TSPAN14: variants seen among roughly 807,000 people sequenced by gnomAD.
The protein encoded by TSPAN14 is tetraspanin-14.
TSPAN14 carries 16 observed loss-of-function variants against 36.6 expected under a neutral mutation model. The ratio of observed to expected loss-of-function variants is 0.44; its 90% CI spans 0.30 to 0.66. The LOEUF is 0.66. Ranked by LOEUF, TSPAN14 falls within the 30% of genes least tolerant of loss-of-function variation. TSPAN14 has a pLI of 0.12. For missense variants in TSPAN14, 231 were observed against 355.1 expected, an observed-to-expected ratio of 0.65 and a Z score of 2.81; for synonymous variants, 139 against 143.8, an observed-to-expected ratio of 0.97 and a Z score of 0.24.
At chr10:80,506,298 C>T (rs531218583) in intron 3 of TSPAN14, among the ~76,000 whole-genome samples, 15 of 152,166 alleles carry the variant, frequency 9.9e-5, no homozygotes, top group Non-Finnish European at 1.8e-4. Context: ...GATGCTTAGT[C>T]ACAATGTTCT....
At chr10:80,458,766 G>A (rs75907892) in intron 1 of TSPAN14, among the ~76,000 whole-genome samples, 3,452 of 152,184 alleles carry the variant, frequency 0.023, 51 homozygotes, top group Middle Eastern at 0.041. Context: ...CCTTAATTGC[G>A]TATGCTTTTG....
At chr10:80,502,201 T>C (rs1471629019) in intron 2 of TSPAN14, among the ~76,000 whole-genome samples, 1 of 152,134 alleles carries the variant, frequency 6.6e-6, no homozygotes, top group Non-Finnish European at 1.5e-5. Context: ...AACAAGAATG[T>C]CAGGGTGGCC....
chr10:80,497,029 C>G (rs568068086), intron 2 of TSPAN14, among the ~76,000 whole-genome samples: 5 of 152,216 alleles, frequency 3.3e-5, no homozygotes, highest in Admixed American at 6.5e-5. Flanking sequence ...AGTTTTTCTA[C>G]TAAGTATTCT....
chr10:80,516,055 G>C, intron 7 of TSPAN14, 149 bp from the exon 8 acceptor site: 2 of 1,176,052 alleles, frequency 1.7e-6, no homozygotes, highest in Non-Finnish European at 2.4e-6. Flanking sequence ...AGGAGCTGAC[G>C]AGCATCTCCT....
At chr10:80,517,191 G>A (rs868349798) in intron 8 of TSPAN14, among the ~76,000 whole-genome samples, 4 of 152,166 alleles carry the variant, frequency 2.6e-5, no homozygotes, top group Admixed American at 6.5e-5. Flanking sequence ...ACCCACACAT[G>A]CCTTCCTCCT....
At chr10:80,516,245 C>T in exon 8 of TSPAN14, 1 of 1,614,260 alleles carries the variant, frequency 6.2e-7, no homozygotes, top group Non-Finnish European at 8.5e-7. Flanking sequence ...CGAAAGGCTG[C>T]ATCCAGGCGC....
Position 80,489,342 on chromosome 10 carries a change from C to T in TSPAN14, c.81+28C>T, listed in dbSNP as rs772558142. ...AAGTGGATGAGAGCTGCCACATTCC[C>T]TTGTTTAGTCCTTCATTCAGTAAAT... On this transcript the variant is annotated intron_variant, in intron 2 of 8. Transcript: ENST00000429989. 5.8e-6 allele frequency: 8 copies of T among 1,387,362 alleles called. No individual in the cohort carries two copies. The Admixed American group carries it at 5.9e-5, about 10-fold the overall frequency. 85.9% of individuals were successfully genotyped at this position (1,387,362 alleles called of 1,614,324 possible).
chr10:80,472,898 C>CA (rs1321334047), intron 1 of TSPAN14, among the ~76,000 whole-genome samples: 1 of 152,216 alleles, frequency 6.6e-6, no homozygotes, highest in African/African-American at 2.4e-5. Context: ...CCAAGTCTAT[C>CA]ACAGTTCTGT....
At chr10:80,458,459 G>A (rs1845829101) in intron 1 of TSPAN14, among the ~76,000 whole-genome samples, 1 of 152,158 alleles carries the variant, frequency 6.6e-6, no homozygotes, top group South Asian at 2.1e-4. Flanking sequence ...TGTTGGAGGT[G>A]GTGAGGCCTC....
intron 1 of TSPAN14, among the ~76,000 whole-genome samples, chr10:80,455,131 G>T (rs1409772132): frequency 2.0e-5 from 3 of 152,202 alleles, no homozygotes; most frequent in Admixed American, 2.0e-4. Flanking sequence ...CCCAGGGGTG[G>T]GGTGCGGGTG....
At chr10:80,521,441 G>A (rs1256460500) in exon 9 of TSPAN14, 1 of 153,136 alleles carries the variant, frequency 6.5e-6, no homozygotes, top group African/African-American at 2.4e-5. Flanking sequence ...GGCCTTTCCA[G>A]CTCTAGGGTC....
At chr10:80,510,304 G>A (rs1719982903) in intron 5 of TSPAN14, among the ~76,000 whole-genome samples, 1 of 152,168 alleles carries the variant, frequency 6.6e-6, no homozygotes, top group African/African-American at 2.4e-5. Flanking sequence ...ACCAAAACTT[G>A]TTCACCTTTA....
chr10:80,504,132 G>C (rs955106891), intron 2 of TSPAN14, among the ~76,000 whole-genome samples: 3 of 152,170 alleles, frequency 2.0e-5, no homozygotes, highest in African/African-American at 7.2e-5. Flanking sequence ...GCATAGATGC[G>C]CCCCCTGCTC....
At position 80,504,830 on chromosome 10, in the gene TSPAN14, C is replaced by G. The variant is rs768863717; in HGVS notation, c.132+52C>G. 3.8e-6 allele frequency: 6 copies of G among 1,593,724 alleles called. No individual in the cohort carries two copies. In the African/African-American group the frequency reaches 8.1e-5, roughly 21 times the overall value. On this transcript the variant is annotated intron_variant, in intron 3 of 8. Coordinates refer to ENST00000429989, the Ensembl canonical transcript of TSPAN14. ...AGCTTCAGGCAGCCAAAACCAGATT[C>G]GTTGGACTTCATTTTCCCTCCTCCA... is the stretch of plus-strand genomic sequence containing the variant.
intron 1 of TSPAN14, among the ~76,000 whole-genome samples, chr10:80,475,392 C>G (rs528701352): frequency 1.3e-3 from 198 of 152,206 alleles, no homozygotes; most frequent in Non-Finnish European, 2.1e-3. Flanking sequence ...ATAGTGAAAC[C>G]CTATTTCTAC....
At chr10:80,506,486 C>T (rs564638127) in intron 3 of TSPAN14, among the ~76,000 whole-genome samples, 2 of 152,176 alleles carry the variant, frequency 1.3e-5, no homozygotes, top group East Asian at 1.9e-4. Flanking sequence ...TCTCTCCGGT[C>T]CCTTAGTTCA....
At position 80,457,673 on chromosome 10, in the gene TSPAN14, G is replaced by A. The variant is rs78708876; in HGVS notation, c.-18+3302G>A. On this transcript the variant is annotated intron_variant, in intron 1 of 8. Coordinates refer to ENST00000429989, the Ensembl canonical transcript of TSPAN14. ...AGCCTGGGCACATAGCAGGTACCCC[G>A]GAACCCCCGCTGATTGGTGATGGAG... is the stretch of plus-strand genomic sequence containing the variant. Among the ~76,000 whole-genome samples the A allele has an allele frequency of 5.6e-3, 854 of 152,264 alleles. 10 individuals carry two copies. Among genetic ancestry groups the A allele is most frequent in the African/African-American group, 0.02 (815 of 41,542 alleles).
intron 2 of TSPAN14, among the ~76,000 whole-genome samples, chr10:80,495,979 A>G (rs1357761278): frequency 6.6e-6 from 1 of 152,188 alleles, no homozygotes; most frequent in African/African-American, 2.4e-5. Flanking sequence ...GTTGCTATAA[A>G]TTAAACTCTT....
At chr10:80,481,783 G>A (rs116712714) in intron 1 of TSPAN14, among the ~76,000 whole-genome samples, 3,476 of 152,228 alleles carry the variant, frequency 0.023, 129 homozygotes, top group African/African-American at 0.079. Context: ...GGGCCACTGC[G>A]CCTGGCTAAT....
Sources: allele counts gnomAD v4.1 joint callset (sites outside exome capture counted in the v4.1 genomes callset), GRCh38; gene constraint gnomAD v4.1.1; transcripts MANE v1.5; gene names NCBI Gene and HGNC (gene_info 2026-07-23, HGNC 2026-07-21).